BMPR1B: variants seen among roughly 807,000 people sequenced by gnomAD.
BMPR1B encodes the protein bone morphogenetic protein receptor type 1B, also known as bone morphogenetic protein receptor type-1B.
BMPR1B carries 12 observed loss-of-function variants against 59.1 expected under a neutral mutation model. That is an observed-to-expected ratio of 0.20 (90% CI 0.13 to 0.33). BMPR1B has a LOEUF of 0.33. Among genes scored for constraint, BMPR1B ranks in the 10% least tolerant of loss-of-function variants. The pLI, the probability that BMPR1B is intolerant of heterozygous loss-of-function variation, is 1.00. For missense variants in BMPR1B, 550 were observed against 610.9 expected, an observed-to-expected ratio of 0.90 and a Z score of 1.05; for synonymous variants, 237 against 207.3, an observed-to-expected ratio of 1.14 and a Z score of -1.23.
chr4:95,003,871 A>G (rs1232082670), intron 3 of BMPR1B, among the ~76,000 whole-genome samples: 2 of 135,850 alleles, frequency 1.5e-5, no homozygotes, highest in Admixed American at 1.7e-4. Flanking sequence ...GCAGTGGCAC[A>G]ATCTCAGCTC....
At chr4:95,030,001 A>C (rs2149153559) in intron 3 of BMPR1B, among the ~76,000 whole-genome samples, 1 of 151,810 alleles carries the variant, frequency 6.6e-6, no homozygotes, top group African/African-American at 2.4e-5. Flanking sequence ...AGTTCATTGT[A>C]GATTCTGGAT....
chr4:95,153,404 A>G (rs1305539668), intron 12 of BMPR1B, among the ~76,000 whole-genome samples: 2 of 152,094 alleles, frequency 1.3e-5, no homozygotes, highest in Admixed American at 1.3e-4. Context: ...GCAGCCTTCA[A>G]ACTCACCATG....
At chr4:94,841,050 G>A (rs893096642) in intron 1 of BMPR1B, among the ~76,000 whole-genome samples, 10 of 148,058 alleles carry the variant, frequency 6.8e-5, no homozygotes, top group African/African-American at 2.0e-4. Context: ...CCCCTGCTAG[G>A]GGGTGCCTCC....
At chr4:95,113,452 A>G (rs780033454) in intron 4 of BMPR1B, among the ~76,000 whole-genome samples, 9 of 152,214 alleles carry the variant, frequency 5.9e-5, no homozygotes, top group Non-Finnish European at 1.2e-4. Context: ...GCATGCTGCT[A>G]CCACTAAGAC....
intron 1 of BMPR1B, among the ~76,000 whole-genome samples, chr4:94,787,565 A>T (rs923965267): frequency 6.6e-6 from 1 of 152,160 alleles, no homozygotes; most frequent in South Asian, 2.1e-4. Flanking sequence ...TTGTCCTTTC[A>T]TATATTTCCA....
intron 2 of BMPR1B, among the ~76,000 whole-genome samples, chr4:94,923,520 T>A (rs75248268): frequency 0.035 from 5,278 of 152,254 alleles, 295 homozygotes; most frequent in African/African-American, 0.12. Flanking sequence ...TCTTACTGAA[T>A]GAATTTGAGA....
At chr4:94,921,936 T>C (rs1419545710) in intron 2 of BMPR1B, among the ~76,000 whole-genome samples, 2 of 151,984 alleles carry the variant, frequency 1.3e-5, no homozygotes, top group African/African-American at 4.8e-5. Context: ...TTAGCAATTT[T>C]TCTGAAAAAA....
At chr4:94,841,639 C>T (rs1279408072) in intron 1 of BMPR1B, among the ~76,000 whole-genome samples, 2 of 152,086 alleles carry the variant, frequency 1.3e-5, no homozygotes, top group African/African-American at 4.8e-5. Context: ...GGTGCGCGCA[C>T]CCACTGATCT....
At chr4:94,928,110 A>C (rs917565652) in intron 2 of BMPR1B, among the ~76,000 whole-genome samples, 2 of 151,878 alleles carry the variant, frequency 1.3e-5, no homozygotes, top group Admixed American at 1.3e-4. Context: ...AGTCTCGTCA[A>C]ATGATTAAAT....
chr4:95,135,365 A>G (rs7693589), intron 10 of BMPR1B, among the ~76,000 whole-genome samples: 3,633 of 151,758 alleles, frequency 0.024, 131 homozygotes, highest in African/African-American at 0.083. Flanking sequence ...GGTTCCATAT[A>G]AACTTTAAAG....
At chr4:95,034,180 A>G (rs1725068378) in intron 3 of BMPR1B, among the ~76,000 whole-genome samples, 2 of 152,124 alleles carry the variant, frequency 1.3e-5, no homozygotes, top group African/African-American at 2.4e-5. Flanking sequence ...TCCTGGCACC[A>G]TTGTCACCAA....
At chr4:94,910,039 C>T (rs72887893) in intron 2 of BMPR1B, among the ~76,000 whole-genome samples, 4,694 of 151,204 alleles carry the variant, frequency 0.031, 178 homozygotes, top group African/African-American at 0.097. Context: ...AGCGAGACTC[C>T]GTCTCCAAAA....
chr4:95,030,613 A>G (rs1282302297), intron 3 of BMPR1B, among the ~76,000 whole-genome samples: 2 of 152,100 alleles, frequency 1.3e-5, no homozygotes, highest in African/African-American at 2.4e-5. Context: ...TTGTATATCT[A>G]GAAAACCCCA....
chr4:94,919,204 G>T (rs534486638), intron 2 of BMPR1B, among the ~76,000 whole-genome samples: 76 of 152,182 alleles, frequency 5.0e-4, no homozygotes, highest in African/African-American at 1.7e-3. Context: ...TCATCCATAC[G>T]CAGACGTGCA....
chr4:94,891,924 G>A, intron 2 of BMPR1B, among the ~76,000 whole-genome samples: 1 of 152,026 alleles, frequency 6.6e-6, no homozygotes, highest in Non-Finnish European at 1.5e-5. Context: ...AGACAAATCA[G>A]TGATAGTTTT....
At chr4:94,974,769 G>T (rs867670766) in intron 2 of BMPR1B, among the ~76,000 whole-genome samples, 1 of 152,070 alleles carries the variant, frequency 6.6e-6, no homozygotes, top group African/African-American at 2.4e-5. Context: ...CCTAGCACAG[G>T]CAGGGAACAT....
intron 1 of BMPR1B, among the ~76,000 whole-genome samples, chr4:94,849,257 G>T (rs950230045): frequency 9.2e-5 from 14 of 152,146 alleles, no homozygotes; most frequent in Admixed American, 8.5e-4. Context: ...GCAGCCATGT[G>T]ATGAAAGTAT....
chr4:94,870,928 C>T (rs911735273), intron 1 of BMPR1B, among the ~76,000 whole-genome samples: 7 of 151,974 alleles, frequency 4.6e-5, no homozygotes, highest in African/African-American at 1.5e-4. Context: ...AGCTGAACAT[C>T]CCAAGTTCTC....
intron 4 of BMPR1B, among the ~76,000 whole-genome samples, chr4:95,105,810 T>C (rs13143843): frequency 0.24 from 36,963 of 151,878 alleles, 4,627 homozygotes; most frequent in East Asian, 0.38. Flanking sequence ...AAACACTGCC[T>C]CTTTATAGTA....
Sources: allele counts gnomAD v4.1 joint callset (sites outside exome capture counted in the v4.1 genomes callset), GRCh38; gene constraint gnomAD v4.1.1; transcripts MANE v1.5; gene names NCBI Gene and HGNC (gene_info 2026-07-23, HGNC 2026-07-21).